Variants in ZSCAN5A observed in about 807,000 individuals in gnomAD.
ZSCAN5A encodes zinc finger and SCAN domain-containing protein 5A.
In ZSCAN5A, 12 loss-of-function variants were observed where a neutral mutation model predicts 23.7. That is an observed-to-expected ratio of 0.51 (90% CI 0.32 to 0.82). The LOEUF (loss-of-function observed/expected upper bound fraction) is 0.82. Ranked by LOEUF, ZSCAN5A falls within the 40% of genes least tolerant of loss-of-function variation. ZSCAN5A has a pLI of 0.03. For missense variants in ZSCAN5A, 597 were observed against 617.9 expected, an observed-to-expected ratio of 0.97 and a Z score of 0.36; for synonymous variants, 257 against 239.9, an observed-to-expected ratio of 1.07 and a Z score of -0.66.
At chr19:56,318,118 GGT>G (rs141109201), upstream of ZSCAN5A, 53,997 of 151,472 alleles carry the variant, frequency 0.36, 9,891 homozygotes, top group Middle Eastern at 0.54. Context: ...CTGTTTGGCT[GGT>G]GTGTGTGTGT....
At chr19:56,288,255 C>T (rs1446179850) in intron 2 of ZSCAN5A, among the ~76,000 whole-genome samples, 1 of 152,194 alleles carries the variant, frequency 6.6e-6, no homozygotes, top group African/African-American at 2.4e-5. Context: ...AGGTGGGCTC[C>T]TTCAAGCCCC....
intron 2 of ZSCAN5A, chr19:56,321,006 C>T (rs1246862875): frequency 2.8e-6 from 2 of 706,562 alleles, no homozygotes; most frequent in African/African-American, 1.7e-5. Context: ...AAGTTGTCCA[C>T]TTTCCACCTG....
intron 2 of ZSCAN5A, among the ~76,000 whole-genome samples, chr19:56,244,912 C>T (rs1368093659): frequency 6.6e-6 from 1 of 152,032 alleles, no homozygotes; most frequent in Non-Finnish European, 1.5e-5. Flanking sequence ...CCTCCAGGTC[C>T]CCAAATGAGC....
chr19:56,252,137 T>C (rs2036387059), intron 2 of ZSCAN5A, among the ~76,000 whole-genome samples: 1 of 152,156 alleles, frequency 6.6e-6, no homozygotes, highest in Non-Finnish European at 1.5e-5. Context: ...ACAATTGGGT[T>C]TACCTAATTT....
At chr19:56,344,622 G>A (rs1371623922) in intron 2 of ZSCAN5A, among the ~76,000 whole-genome samples, 1 of 150,968 alleles carries the variant, frequency 6.6e-6, no homozygotes, top group Non-Finnish European at 1.5e-5. Flanking sequence ...AAAAAGATAC[G>A]GCCGGGCGCA....
chr19:56,265,959 G>A (rs897979646), intron 2 of ZSCAN5A, among the ~76,000 whole-genome samples: 1 of 152,160 alleles, frequency 6.6e-6, no homozygotes, highest in African/African-American at 2.4e-5. Flanking sequence ...ACATACAGTG[G>A]AGCAGAGGTA....
chr19:56,305,885 C>A (rs893857920), intron 2 of ZSCAN5A, among the ~76,000 whole-genome samples: 3 of 151,418 alleles, frequency 2.0e-5, no homozygotes, highest in Non-Finnish European at 2.9e-5. Flanking sequence ...GTGAAAGAGC[C>A]TCCAGGTGAA....
chr19:56,240,843 C>T (rs770891376), intron 2 of ZSCAN5A, among the ~76,000 whole-genome samples: 31 of 152,066 alleles, frequency 2.0e-4, no homozygotes, highest in South Asian at 4.2e-4. Context: ...TCAGCTGGGA[C>T]GACAGGCACC....
At chr19:56,366,422 CAAAAAA>C (rs34420866) in intron 1 of ZSCAN5A, among the ~76,000 whole-genome samples, 5 of 83,170 alleles carry the variant, frequency 6.0e-5, no homozygotes, top group African/African-American at 1.9e-4. Flanking sequence ...GACTCTGTCT[CAAAAAA>C]AAAAAAAAAA....
chr19:56,261,858 TAGTGA>T (rs2037151497), intron 2 of ZSCAN5A, among the ~76,000 whole-genome samples: 2 of 152,182 alleles, frequency 1.3e-5, no homozygotes, highest in Non-Finnish European at 2.9e-5. Flanking sequence ...AACTTACATA[TAGTGA>T]AGTGTACAAT....
chr19:56,367,210 C>T (rs35117763), intron 1 of ZSCAN5A: 14,590 of 151,896 alleles, frequency 0.096, 826 homozygotes, highest in African/African-American at 0.15. Flanking sequence ...AAAAATTAGC[C>T]GGGCATGGTG....
intron 2 of ZSCAN5A, chr19:56,310,039 G>A (rs1029667061): frequency 1.3e-5 from 2 of 152,372 alleles, no homozygotes; most frequent in African/African-American, 4.8e-5. Context: ...CTGTAGAGGT[G>A]GATGGAGAGG....
At chr19:56,297,909 G>A (rs919989470) in intron 2 of ZSCAN5A, 1 of 152,100 alleles carries the variant, frequency 6.6e-6, no homozygotes, top group African/African-American at 2.4e-5. Context: ...TGGTGGAGAT[G>A]AGCGTTTTAA....
At chr19:56,348,031 A>G (rs2041645502) in intron 2 of ZSCAN5A, 1 of 152,182 alleles carries the variant, frequency 6.6e-6, no homozygotes, top group African/African-American at 2.4e-5. Context: ...TGTGGCAAAA[A>G]CCACTGGAGA....
At chr19:56,296,520 G>C (rs2039886042) in intron 2 of ZSCAN5A, 1 of 151,932 alleles carries the variant, frequency 6.6e-6, no homozygotes, top group Non-Finnish European at 1.5e-5. Flanking sequence ...GTTTTTATTT[G>C]TCCAACAGAT....
At chr19:56,276,151 C>A (rs1353798699) in intron 2 of ZSCAN5A, among the ~76,000 whole-genome samples, 1 of 152,180 alleles carries the variant, frequency 6.6e-6, no homozygotes, top group Non-Finnish European at 1.5e-5. Context: ...TTCATAGCTA[C>A]CTCTCCTAAA....
At chr19:56,264,407 G>T (rs1206525883) in intron 2 of ZSCAN5A, among the ~76,000 whole-genome samples, 2 of 152,164 alleles carry the variant, frequency 1.3e-5, no homozygotes, top group African/African-American at 2.4e-5. Context: ...TGACCTGTTT[G>T]TTCAGGTCTT....
At chr19:56,344,934 AAG>A (rs1210071951) in intron 2 of ZSCAN5A, among the ~76,000 whole-genome samples, 11 of 125,378 alleles carry the variant, frequency 8.8e-5, no homozygotes, top group Middle Eastern at 4.8e-3. Flanking sequence ...AAAAAAAAAA[AAG>A]AAAAAAAAGA....
upstream of ZSCAN5A, chr19:56,315,143 GTT>G (rs1377424677): frequency 6.6e-6 from 1 of 152,262 alleles, no homozygotes; most frequent in African/African-American, 2.4e-5. Flanking sequence ...GAGCCCTGTA[GTT>G]TAGGGTTGTT....
Sources: gnomAD v4.1 joint callset for allele counts (sites outside exome capture counted in the v4.1 genomes callset) on GRCh38, gnomAD v4.1.1 for gene constraint, MANE v1.5 for transcripts, NCBI Gene and HGNC (gene_info 2026-07-23, HGNC 2026-07-21) for gene names.